Variants in SHANK2 observed in about 807,000 individuals in gnomAD.
SHANK2 encodes SH3 and multiple ankyrin repeat domains protein 2.
In SHANK2, 43 loss-of-function variants were observed where a neutral mutation model predicts 133.7. The observed-to-expected ratio is 0.32, with a 90% CI of 0.25 to 0.41. The LOEUF is 0.41. Ranked by LOEUF, SHANK2 falls within the 10% of genes least tolerant of loss-of-function variation. SHANK2 has a pLI of 1.00. For synonymous variants in SHANK2, 1,017 were observed against 952.8 expected, an observed-to-expected ratio of 1.07 and a Z score of -1.24; for missense variants, 1,994 against 2,235.8, an observed-to-expected ratio of 0.89 and a Z score of 2.18.
At chr11:70,555,289 G>C (rs899742247) in intron 17 of SHANK2, among the ~76,000 whole-genome samples, 1 of 152,192 alleles carries the variant, frequency 6.6e-6, no homozygotes, top group African/African-American at 2.4e-5. Flanking sequence ...GTGTTCAAGT[G>C]AAAGGAAGCG....
intron 15 of SHANK2, among the ~76,000 whole-genome samples, chr11:70,685,278 C>G (rs1892870): frequency 0.014 from 2,104 of 152,282 alleles, 57 homozygotes; most frequent in African/African-American, 0.048. Flanking sequence ...CTCCTCCTGC[C>G]GCCCAGAAAA....
chr11:70,751,499 C>T (rs1312787594), intron 14 of SHANK2, among the ~76,000 whole-genome samples: 1 of 152,074 alleles, frequency 6.6e-6, no homozygotes, highest in Non-Finnish European at 1.5e-5. Flanking sequence ...AGCAGGTCAA[C>T]TTTAAGAGGA....
intron 17 of SHANK2, among the ~76,000 whole-genome samples, chr11:70,613,037 T>C (rs117647746): frequency 2.6e-4 from 39 of 152,256 alleles, no homozygotes; most frequent in Non-Finnish European, 5.1e-4. Flanking sequence ...CAGAGGTGCT[T>C]GGAAACTTCT....
At chr11:71,177,549 T>C (rs1953470773) in intron 2 of SHANK2, among the ~76,000 whole-genome samples, 2 of 152,044 alleles carry the variant, frequency 1.3e-5, no homozygotes, top group South Asian at 4.2e-4. Flanking sequence ...GATAAACCAA[T>C]AAAGATAAAT....
chr11:70,822,655 C>G (rs181327113), intron 11 of SHANK2, among the ~76,000 whole-genome samples: 10 of 141,974 alleles, frequency 7.0e-5, no homozygotes, highest in Admixed American at 5.0e-4. Flanking sequence ...TCATGGGGGA[C>G]AGAGGTGGCG....
At chr11:71,082,395 G>A (rs920616563) in intron 8 of SHANK2, among the ~76,000 whole-genome samples, 36 of 152,282 alleles carry the variant, frequency 2.4e-4, no homozygotes, top group African/African-American at 8.2e-4. Context: ...GACAGTGATC[G>A]CCTCAGCACC....
Position 71,163,026 on chromosome 11 carries a change from T to A in SHANK2, c.-12-15688A>T, listed in dbSNP as rs1458235037. 3.6e-5 allele frequency among the ~76,000 whole-genome samples: 5 copies of A among 137,326 alleles called. No homozygotes were observed. The South Asian group carries it at 1.2e-3, about 32-fold the overall frequency. 90.1% of individuals were successfully genotyped at this position (137,326 alleles called of 152,430 possible). A position where few individuals can be genotyped will look rare whatever the true frequency, so the allele number is the denominator to read the frequency against. ...AGGTGGAGCTTGCAGTGAGCCGAGA[T>A]CGCGCCACTGCATTCCAGCCTGGGC... On this transcript the variant is annotated intron_variant, in intron 2 of 25. Transcript: ENST00000601538.
At chr11:70,794,288 A>AC (rs1284824580) in intron 14 of SHANK2, among the ~76,000 whole-genome samples, 1 of 151,708 alleles carries the variant, frequency 6.6e-6, no homozygotes, top group Non-Finnish European at 1.5e-5. Flanking sequence ...GAAAAAAAAA[A>AC]AAAAACAACA....
chr11:70,814,744 T>C (rs919776475), intron 12 of SHANK2, among the ~76,000 whole-genome samples: 1 of 152,204 alleles, frequency 6.6e-6, no homozygotes, highest in Non-Finnish European at 1.5e-5. Context: ...AGCATTCATC[T>C]CCACCAACTG....
intron 2 of SHANK2, among the ~76,000 whole-genome samples, chr11:71,149,445 G>A (rs544062695): frequency 8.5e-5 from 13 of 152,172 alleles, no homozygotes; most frequent in African/African-American, 2.2e-4. Flanking sequence ...TTGTCTTGTC[G>A]CTTCTCTACA....
At chr11:71,125,085 A>G (rs1286303617) in intron 3 of SHANK2, among the ~76,000 whole-genome samples, 1 of 152,160 alleles carries the variant, frequency 6.6e-6, no homozygotes, top group Non-Finnish European at 1.5e-5. Flanking sequence ...TGACTGTTCC[A>G]CTGACCAGCT....
chr11:70,907,960 G>A (rs1555078277), intron 10 of SHANK2: 1 of 447,468 alleles, frequency 2.2e-6, no homozygotes, highest in Non-Finnish European at 4.5e-6. Context: ...AACTAGCCAG[G>A]CATGGTGGCA....
intron 9 of SHANK2, among the ~76,000 whole-genome samples, chr11:71,069,424 T>C (rs1259165830): frequency 6.6e-6 from 1 of 150,466 alleles, no homozygotes; most frequent in Non-Finnish European, 1.5e-5. Context: ...ATCACCACCT[T>C]CATCATCACC....
chr11:70,846,016 T>C (rs1305869249), intron 11 of SHANK2, among the ~76,000 whole-genome samples: 1 of 152,076 alleles, frequency 6.6e-6, no homozygotes, highest in African/African-American at 2.4e-5. Flanking sequence ...CGCCAAGGTT[T>C]CCAGAGGCTG....
intron 2 of SHANK2, among the ~76,000 whole-genome samples, chr11:71,163,800 G>A (rs1555110283): frequency 6.6e-6 from 1 of 152,194 alleles, no homozygotes; most frequent in Non-Finnish European, 1.5e-5. Flanking sequence ...ATCCTTTCAC[G>A]CAAATCACAC....
chr11:70,923,538 A>T (rs1950381198), intron 10 of SHANK2, among the ~76,000 whole-genome samples: 1 of 151,714 alleles, frequency 6.6e-6, no homozygotes, highest in East Asian at 2.0e-4. Context: ...CACTGCGCCC[A>T]GCTGCTTGCA....
At chr11:71,231,693 A>G (rs1954744062) in intron 1 of SHANK2, among the ~76,000 whole-genome samples, 1 of 152,212 alleles carries the variant, frequency 6.6e-6, no homozygotes, top group South Asian at 2.1e-4. Flanking sequence ...GTTCAAGACC[A>G]GCCTGGTCAA....
intron 17 of SHANK2, among the ~76,000 whole-genome samples, chr11:70,550,037 C>T (rs566899073): frequency 1.5e-3 from 227 of 152,246 alleles, no homozygotes; most frequent in Non-Finnish European, 2.6e-3. Context: ...AAAACCGCAC[C>T]GGCTTGGCCA....
rs1408900042 is a variant in SHANK2, at chr11:70,923,840, G to A, written c.1108-27273C>T. Among the ~76,000 whole-genome samples the A allele has an allele frequency of 5.3e-5, 8 of 152,204 alleles. No homozygotes were observed. The East Asian group carries it at 7.7e-4, about 15-fold the overall frequency. On this transcript the variant is annotated intron_variant, in intron 10 of 25. Transcript: ENST00000601538. ...GGCGCTGGGATGACAGGCATGAGCC[G>A]CCACACCTGGCCAAGCATCAATGTC...
Sources: gnomAD v4.1 joint callset for allele counts (sites outside exome capture counted in the v4.1 genomes callset) on GRCh38, gnomAD v4.1.1 for gene constraint, MANE v1.5 for transcripts, NCBI Gene and HGNC (gene_info 2026-07-23, HGNC 2026-07-21) for gene names.